The following NUP210L variants were observed in gnomAD, a reference collection of about 807,000 sequenced individuals.
NUP210L encodes the protein nucleoporin 210 like.
A neutral mutation model predicts 208.5 loss-of-function variants in NUP210L; 74 were observed. The observed-to-expected ratio is 0.35, with a 90% CI of 0.29 to 0.43. The LOEUF is 0.43. Among genes scored for constraint, NUP210L ranks in the 20% least tolerant of loss-of-function variants. NUP210L has a pLI of 1.00. For synonymous variants in NUP210L, 780 were observed against 816.9 expected (o/e 0.95, Z 0.77); for missense variants, 1,843 against 2,289.4 (o/e 0.81, Z 3.98).
At chr1:154,137,392 A>T (rs1341877846) in intron 6 of NUP210L, among the ~76,000 whole-genome samples, 1 of 152,068 alleles carries the variant, frequency 6.6e-6, no homozygotes, top group Non-Finnish European at 1.5e-5. Context: ...CTCTACTAAA[A>T]ATACAAAAAA....
chr1:154,108,926 C>A (rs1266989424), intron 12 of NUP210L, among the ~76,000 whole-genome samples: 1 of 151,646 alleles, frequency 6.6e-6, no homozygotes, highest in Non-Finnish European at 1.5e-5. Flanking sequence ...CATGGAGAAA[C>A]CCCGTCTCTA....
chr1:154,130,908 T>C (rs1039954018), intron 7 of NUP210L, among the ~76,000 whole-genome samples: 1 of 151,922 alleles, frequency 6.6e-6, no homozygotes, highest in Non-Finnish European at 1.5e-5. Context: ...CTAAATACTT[T>C]ATGGTAACTC....
intron 17 of NUP210L, among the ~76,000 whole-genome samples, chr1:154,066,213 G>A (rs1029798207): frequency 6.6e-6 from 1 of 152,128 alleles, no homozygotes; most frequent in African/African-American, 2.4e-5. Context: ...ACAATTGAAA[G>A]AACTAAAGAA....
chr1:154,154,120 C>T (rs1437907613), intron 1 of NUP210L, among the ~76,000 whole-genome samples: 2 of 152,158 alleles, frequency 1.3e-5, no homozygotes, highest in Non-Finnish European at 2.9e-5. Flanking sequence ...CCCCTGTCCT[C>T]ACACTTCAAG....
chr1:154,042,466 G>A (rs983316755), intron 27 of NUP210L, among the ~76,000 whole-genome samples: 5 of 150,376 alleles, frequency 3.3e-5, no homozygotes, highest in South Asian at 2.1e-4. Flanking sequence ...TTGCTCTGTC[G>A]CCCAGGCTGG....
chr1:154,017,570 G>A (rs956082599), intron 33 of NUP210L, among the ~76,000 whole-genome samples: 1 of 141,584 alleles, frequency 7.1e-6, no homozygotes, highest in African/African-American at 2.6e-5. Flanking sequence ...CGGCTGGAGT[G>A]CAGTGGTGTG....
intron 34 of NUP210L, among the ~76,000 whole-genome samples, chr1:154,010,963 A>G (rs1350499357): frequency 6.6e-6 from 1 of 152,152 alleles, no homozygotes; most frequent in Non-Finnish European, 1.5e-5. Flanking sequence ...TTCATATACA[A>G]TGTTGTAATA....
exon 2 of NUP210L, chr1:154,152,748 C>T: frequency 6.2e-7 from 1 of 1,613,854 alleles, no homozygotes; most frequent in Non-Finnish European, 8.5e-7. Flanking sequence ...ATTTCTCGAG[C>T]AAGAATAATA....
chr1:154,017,392 A>T (rs201347318), intron 33 of NUP210L, among the ~76,000 whole-genome samples: 1 of 80,138 alleles, frequency 1.2e-5, no homozygotes, highest in Non-Finnish European at 3.1e-5. Context: ...CTCAATTTTC[A>T]GCTTAACCCA....
At chr1:154,116,657 G>T (rs1203686995) in intron 12 of NUP210L, among the ~76,000 whole-genome samples, 1 of 152,070 alleles carries the variant, frequency 6.6e-6, no homozygotes, top group East Asian at 1.9e-4. Flanking sequence ...AGTCCTAGGA[G>T]TTTGAGGCTG....
At chr1:154,139,512 T>C (rs1468254177) in intron 5 of NUP210L, among the ~76,000 whole-genome samples, 1 of 152,094 alleles carries the variant, frequency 6.6e-6, no homozygotes, top group African/African-American at 2.4e-5. Flanking sequence ...ATATTTTCCA[T>C]AGGCAAGACT....
At chr1:154,015,346 G>A (rs936163206) in intron 33 of NUP210L, among the ~76,000 whole-genome samples, 1 of 151,850 alleles carries the variant, frequency 6.6e-6, no homozygotes, top group Non-Finnish European at 1.5e-5. Flanking sequence ...AGCACTTCGG[G>A]AGGCTGAGGC....
intron 16 of NUP210L, among the ~76,000 whole-genome samples, chr1:154,072,250 TA>T (rs1248809443): frequency 6.6e-6 from 1 of 151,888 alleles, no homozygotes; most frequent in Non-Finnish European, 1.5e-5. Flanking sequence ...ACCAGCAGCA[TA>T]AAGTGTTCCC....
chr1:154,056,742 A>G, intron 23 of NUP210L, 73 bp downstream of exon 23: 12 of 1,451,758 alleles, frequency 8.3e-6, no homozygotes, highest in Non-Finnish European at 1.1e-5. Context: ...TTTAACTTGT[A>G]TAAACTAACA....
chr1:154,082,451 T>C (rs1018807177), intron 16 of NUP210L, among the ~76,000 whole-genome samples: 1 of 152,004 alleles, frequency 6.6e-6, no homozygotes, highest in Non-Finnish European at 1.5e-5. Context: ...GAGGAAGAAA[T>C]AGACAATTCA....
intron 14 of NUP210L, among the ~76,000 whole-genome samples, chr1:154,097,617 G>A (rs1221155850): frequency 1.3e-5 from 2 of 152,182 alleles, no homozygotes; most frequent in African/African-American, 2.4e-5. Context: ...AATGTACAAT[G>A]AGGCCAACTT....
chr1:154,025,613 C>T, exon 30 of NUP210L: 4 of 1,613,966 alleles, frequency 2.5e-6, no homozygotes, highest in Non-Finnish European at 3.4e-6. Flanking sequence ...ACAGCAGTAC[C>T]TGCAATGGAA....
At chr1:154,083,328 C>T (rs1326386156) in intron 16 of NUP210L, among the ~76,000 whole-genome samples, 1 of 152,152 alleles carries the variant, frequency 6.6e-6, no homozygotes, top group African/African-American at 2.4e-5. Flanking sequence ...TTACAGAGTG[C>T]TGATTGATGT....
intron 14 of NUP210L, among the ~76,000 whole-genome samples, chr1:154,098,110 G>A (rs1656264766): frequency 6.6e-6 from 1 of 152,228 alleles, no homozygotes. Context: ...AGTGGGACAG[G>A]CAGCTCCAGG....
Sources: allele counts gnomAD v4.1 joint callset (sites outside exome capture counted in the v4.1 genomes callset), GRCh38; gene constraint gnomAD v4.1.1; transcripts MANE v1.5; gene names NCBI Gene and HGNC (gene_info 2026-07-23, HGNC 2026-07-21).